The following ARHGAP22 variants were observed in gnomAD, a reference collection of about 807,000 sequenced individuals.
ARHGAP22 encodes rho GTPase-activating protein 22.
In ARHGAP22, 48 loss-of-function variants were observed where a neutral mutation model predicts 59.1. The observed-to-expected ratio is 0.81, with a 90% CI of 0.64 to 1.03. ARHGAP22 has a LOEUF of 1.03. Among genes scored for constraint, ARHGAP22 ranks in the 50% least tolerant of loss-of-function variants. The pLI is 0.00. For synonymous variants in ARHGAP22, 445 were observed against 416.4 expected, an observed-to-expected ratio of 1.07 and a Z score of -0.84; for missense variants, 1,015 against 958.7, an observed-to-expected ratio of 1.06 and a Z score of -0.78.
chr10:48,632,801 C>T (rs533733637), intron 1 of ARHGAP22, among the ~76,000 whole-genome samples: 1 of 152,222 alleles, frequency 6.6e-6, no homozygotes, highest in Admixed American at 6.5e-5. Flanking sequence ...TCTGCAGATG[C>T]CAGAGCGAAA....
At chr10:48,643,825 T>C (rs2062171966) in intron 1 of ARHGAP22, among the ~76,000 whole-genome samples, 1 of 151,544 alleles carries the variant, frequency 6.6e-6, no homozygotes, top group Non-Finnish European at 1.5e-5. Context: ...CTGGTCATGT[T>C]AATATATGAT....
At chr10:48,433,201 T>G in the ARHGAP22 span, among the ~76,000 whole-genome samples, 3 of 152,170 alleles carry the variant, frequency 2.0e-5, no homozygotes, top group East Asian at 1.9e-4. Context: ...AAGTGTGTGT[T>G]TTTTCCCCTT....
At chr10:48,648,905 A>C (rs529248469) in intron 1 of ARHGAP22, among the ~76,000 whole-genome samples, 1 of 152,110 alleles carries the variant, frequency 6.6e-6, no homozygotes, top group Non-Finnish European at 1.5e-5. Flanking sequence ...ATGGATGCCC[A>C]TGGATGTGAC....
intron 4 of ARHGAP22, among the ~76,000 whole-genome samples, chr10:48,479,383 TCAC>T (rs1183410383): frequency 6.6e-6 from 1 of 152,084 alleles, no homozygotes; most frequent in Non-Finnish European, 1.5e-5. Flanking sequence ...CATGAATTCC[TCAC>T]CCCTGGAATA....
At chr10:48,453,134 T>TGAGGTCTGCAGAAGTTCCTGCC (rs2046147282) in intron 8 of ARHGAP22, among the ~76,000 whole-genome samples, 170 bp downstream of exon 8, 1 of 151,802 alleles carries the variant, frequency 6.6e-6, no homozygotes, top group Non-Finnish European at 1.5e-5. Context: ...GGGTCGGGGG[T>TGAGGTCTGCAGAAGTTCCTGCC]GAGGTCTGCA....
the ARHGAP22 span, chr10:48,435,059 T>TGG: frequency 1.1e-5 from 5 of 447,990 alleles, no homozygotes; most frequent in Non-Finnish European, 2.2e-5. Flanking sequence ...GTGGGAGGGA[T>TGG]GGGGAGTCGG....
intron 3 of ARHGAP22, among the ~76,000 whole-genome samples, chr10:48,482,304 TC>T (rs2134109400): frequency 6.6e-6 from 1 of 152,346 alleles, no homozygotes; most frequent in African/African-American, 2.4e-5. Flanking sequence ...TGAAGTTCAT[TC>T]TTTTGCATAT....
chr10:48,434,774 CT>C, the ARHGAP22 span: 1 of 905,556 alleles, frequency 1.1e-6, no homozygotes, highest in Non-Finnish European at 1.6e-6. Context: ...TTTAGTGAGC[CT>C]TCGAAACCCA....
chr10:48,468,617 C>T (rs549337670), intron 4 of ARHGAP22, among the ~76,000 whole-genome samples: 1 of 152,300 alleles, frequency 6.6e-6, no homozygotes, highest in Non-Finnish European at 1.5e-5. Context: ...TTGTTTTAAG[C>T]TGCCAAATTT....
At chr10:48,486,102 C>G (rs1173803623) in intron 3 of ARHGAP22, among the ~76,000 whole-genome samples, 2 of 151,766 alleles carry the variant, frequency 1.3e-5, no homozygotes, top group African/African-American at 2.4e-5. Flanking sequence ...TAGTAAAAAT[C>G]TCACTCTCTT....
At chr10:48,548,545 C>A (rs1406018556) in intron 3 of ARHGAP22, among the ~76,000 whole-genome samples, 1 of 152,200 alleles carries the variant, frequency 6.6e-6, no homozygotes, top group African/African-American at 2.4e-5. Context: ...CCAAACATGG[C>A]CGTTTTTTGG....
chr10:48,486,150 T>C (rs186319983), intron 3 of ARHGAP22, among the ~76,000 whole-genome samples: 5 of 152,208 alleles, frequency 3.3e-5, no homozygotes, highest in African/African-American at 1.2e-4. Context: ...ATGGTATACA[T>C]CTTTAACTTA....
chr10:48,479,882 C>G (rs4575219), intron 3 of ARHGAP22, 118 bp from the exon 4 acceptor site: 240,299 of 1,007,944 alleles, frequency 0.24, 31,081 homozygotes, highest in East Asian at 0.28. Context: ...CCAGCAACAG[C>G]TGAGCTTTGC....
At chr10:48,553,037 C>T (rs886546385) in intron 3 of ARHGAP22, among the ~76,000 whole-genome samples, 1 of 152,234 alleles carries the variant, frequency 6.6e-6, no homozygotes, top group Non-Finnish European at 1.5e-5. Flanking sequence ...CAGAACCAAG[C>T]ATGAGCTTCG....
intron 2 of ARHGAP22, among the ~76,000 whole-genome samples, chr10:48,573,156 C>T (rs185112049): frequency 2.6e-5 from 4 of 152,136 alleles, no homozygotes. Context: ...GTCGCCTGCC[C>T]CTAGACTCCA....
intron 4 of ARHGAP22, among the ~76,000 whole-genome samples, chr10:48,463,771 G>A (rs768739164): frequency 6.6e-5 from 10 of 152,136 alleles, no homozygotes; most frequent in Non-Finnish European, 1.3e-4. Context: ...ACTCCCCTCT[G>A]CTGGGTTGCT....
At chr10:48,617,354 C>T (rs1232898167) in intron 1 of ARHGAP22, among the ~76,000 whole-genome samples, 1 of 151,944 alleles carries the variant, frequency 6.6e-6, no homozygotes, top group African/African-American at 2.4e-5. Flanking sequence ...AACAAATGGA[C>T]CTAACAAACA....
At chr10:48,599,949 G>A (rs533829168) in intron 1 of ARHGAP22, among the ~76,000 whole-genome samples, 2 of 152,314 alleles carry the variant, frequency 1.3e-5, no homozygotes, top group Middle Eastern at 3.4e-3. Context: ...TCAGTGACAC[G>A]TCAGCCTCCA....
At chr10:48,564,323 T>C (rs531202958) in intron 2 of ARHGAP22, among the ~76,000 whole-genome samples, 1 of 152,266 alleles carries the variant, frequency 6.6e-6, no homozygotes, top group South Asian at 2.1e-4. Context: ...CAGAATGAGG[T>C]ACATACAAAA....
Sources: allele counts gnomAD v4.1 joint callset (sites outside exome capture counted in the v4.1 genomes callset), GRCh38; gene constraint gnomAD v4.1.1; transcripts MANE v1.5; gene names NCBI Gene and HGNC (gene_info 2026-07-23, HGNC 2026-07-21).